The following HS3ST5 variants were observed in gnomAD, a reference collection of about 807,000 sequenced individuals.
HS3ST5 encodes the protein heparan sulfate glucosamine 3-O-sulfotransferase 5.
A neutral mutation model predicts 25.4 loss-of-function variants in HS3ST5; 10 were observed. The observed-to-expected ratio is 0.39, with a 90% confidence interval of 0.24 to 0.67. The LOEUF (loss-of-function observed/expected upper bound fraction) is 0.67. Ranked by LOEUF, HS3ST5 falls within the 30% of genes least tolerant of loss-of-function variation. The pLI, the probability that HS3ST5 is intolerant of heterozygous loss-of-function variation, is 0.44. For missense variants in HS3ST5, 324 were observed against 420.7 expected, an observed-to-expected ratio of 0.77 and a Z score of 2.01; for synonymous variants, 170 against 162.4, an observed-to-expected ratio of 1.05 and a Z score of -0.36.
chr6:114,307,870 G>A (rs1437641314), intron 1 of HS3ST5, among the ~76,000 whole-genome samples: 1 of 151,886 alleles, frequency 6.6e-6, no homozygotes, highest in Non-Finnish European at 1.5e-5. Flanking sequence ...TGATTTGGGA[G>A]TTTTGATTAG....
intron 3 of HS3ST5, among the ~76,000 whole-genome samples, chr6:114,090,410 G>A (rs748376755): frequency 4.6e-5 from 7 of 152,086 alleles, no homozygotes; most frequent in Non-Finnish European, 7.4e-5. Flanking sequence ...ATGTCACAAA[G>A]ATTCTCTCCC....
chr6:114,136,663 G>T (rs1478056599), intron 3 of HS3ST5, among the ~76,000 whole-genome samples: 1 of 152,192 alleles, frequency 6.6e-6, no homozygotes, highest in Non-Finnish European at 1.5e-5. Context: ...TTAATGTGCT[G>T]CTCTTATTTT....
chr6:114,319,385 T>C (rs548140664), intron 1 of HS3ST5, among the ~76,000 whole-genome samples: 1 of 152,276 alleles, frequency 6.6e-6, no homozygotes, highest in East Asian at 1.9e-4. Flanking sequence ...TAAACTTGAC[T>C]CTTATATAGT....
intron 2 of HS3ST5, among the ~76,000 whole-genome samples, chr6:114,191,140 C>T (rs1780481747): frequency 6.6e-6 from 1 of 152,148 alleles, no homozygotes; most frequent in African/African-American, 2.4e-5. Context: ...CATAGACTCA[C>T]AAAAGGATCC....
chr6:114,301,467 G>A (rs1293894128), intron 1 of HS3ST5, among the ~76,000 whole-genome samples: 2 of 152,108 alleles, frequency 1.3e-5, no homozygotes, highest in African/African-American at 4.8e-5. Flanking sequence ...TATTTAATTT[G>A]AGAAGCCTCA....
chr6:114,129,862 G>A (rs1354429981), intron 3 of HS3ST5, among the ~76,000 whole-genome samples: 4 of 152,150 alleles, frequency 2.6e-5, no homozygotes, highest in African/African-American at 9.7e-5. Flanking sequence ...AGATATTAAA[G>A]GTTCATATTA....
intron 3 of HS3ST5, among the ~76,000 whole-genome samples, chr6:114,109,188 G>T (rs1776137134): frequency 6.6e-6 from 1 of 151,962 alleles, no homozygotes; most frequent in Non-Finnish European, 1.5e-5. Context: ...GTATCTGAAA[G>T]TCTTCCACTA....
chr6:114,207,724 A>G (rs1781336781), intron 2 of HS3ST5, among the ~76,000 whole-genome samples: 1 of 152,124 alleles, frequency 6.6e-6, no homozygotes, highest in African/African-American at 2.4e-5. Flanking sequence ...TCTTGGTGAT[A>G]CATAATACCT....
intron 1 of HS3ST5, among the ~76,000 whole-genome samples, chr6:114,244,915 A>G (rs1462197719): frequency 6.6e-6 from 1 of 152,196 alleles, no homozygotes; most frequent in African/African-American, 2.4e-5. Context: ...GAGACAGCAG[A>G]TGTATACCCA....
intron 2 of HS3ST5, among the ~76,000 whole-genome samples, chr6:114,212,784 A>G (rs1781562257): frequency 6.6e-6 from 1 of 152,156 alleles, no homozygotes; most frequent in Admixed American, 6.5e-5. Flanking sequence ...TTGAAATGGG[A>G]TAGCTCCCTT....
chr6:114,247,939 C>T (rs1231328174), intron 1 of HS3ST5, among the ~76,000 whole-genome samples: 2 of 151,702 alleles, frequency 1.3e-5, no homozygotes, highest in East Asian at 1.9e-4. Flanking sequence ...GTGGCTCACA[C>T]CTATAATCCC....
At chr6:114,287,990 T>C (rs986754708) in intron 1 of HS3ST5, among the ~76,000 whole-genome samples, 4 of 152,052 alleles carry the variant, frequency 2.6e-5, no homozygotes, top group Non-Finnish European at 5.9e-5. Context: ...GTGAAGATGT[T>C]ATTTTACCAC....
Position 114,204,074 on chromosome 6 carries a change from G to C in HS3ST5, c.-145+24511C>G, listed in dbSNP as rs146650974. Among the ~76,000 whole-genome samples, 179 of 152,346 alleles carry C rather than the reference G, an allele frequency of 1.2e-3. 2 individuals carry two copies. Among genetic ancestry groups the C allele is most frequent in the African/African-American group, 3.9e-3 (161 of 41,584 alleles). On this transcript the variant is annotated intron_variant, in intron 2 of 4. Coordinates refer to ENST00000312719, the MANE Select transcript of HS3ST5 (RefSeq NM_153612.4). ...CCATGGAGAGAAGAGGAATTCTGTG[G>C]AAGGAATTACTAGGGAGAATGAATG...
intron 3 of HS3ST5, among the ~76,000 whole-genome samples, chr6:114,159,401 G>A (rs570692371): frequency 4.6e-5 from 7 of 152,242 alleles, no homozygotes; most frequent in Non-Finnish European, 7.4e-5. Flanking sequence ...TGTACTGTGC[G>A]ACAATGAGAA....
At chr6:114,141,730 C>A (rs1012818416) in intron 3 of HS3ST5, among the ~76,000 whole-genome samples, 5 of 152,160 alleles carry the variant, frequency 3.3e-5, no homozygotes, top group Non-Finnish European at 5.9e-5. Context: ...GTTTGGAAGG[C>A]GAGGCTGAGA....
At chr6:114,130,995 T>A (rs1479576588) in intron 3 of HS3ST5, among the ~76,000 whole-genome samples, 1 of 152,140 alleles carries the variant, frequency 6.6e-6, no homozygotes, top group Non-Finnish European at 1.5e-5. Context: ...TGAACTATGA[T>A]CATGCCACTG....
intron 3 of HS3ST5, among the ~76,000 whole-genome samples, chr6:114,095,263 C>A (rs752855347): frequency 1.3e-5 from 2 of 152,184 alleles, no homozygotes; most frequent in Non-Finnish European, 2.9e-5. Context: ...ATGACAGAGA[C>A]CCTGGAGCCA....
intron 3 of HS3ST5, chr6:114,167,716 A>G (rs1562223352): frequency 6.6e-6 from 1 of 152,188 alleles, no homozygotes; most frequent in Admixed American, 6.5e-5. Context: ...TGTCTTTTCC[A>G]GAAAGAAACA....
At chr6:114,215,643 G>C (rs148663256) in intron 2 of HS3ST5, among the ~76,000 whole-genome samples, 1 of 151,806 alleles carries the variant, frequency 6.6e-6, no homozygotes, top group African/African-American at 2.4e-5. Flanking sequence ...GGCCATCAAG[G>C]CTTCCTCTCC....
Sources: allele counts gnomAD v4.1 joint callset (sites outside exome capture counted in the v4.1 genomes callset), GRCh38; gene constraint gnomAD v4.1.1; transcripts MANE v1.5; gene names NCBI Gene and HGNC (gene_info 2026-07-23, HGNC 2026-07-21).